Variants in USP19 observed in about 807,000 individuals in gnomAD.
USP19 encodes the protein ubiquitin carboxyl-terminal hydrolase 19.
USP19 carries 40 observed loss-of-function variants against 144.8 expected under a neutral mutation model. The observed-to-expected ratio is 0.28, with a 90% CI of 0.21 to 0.36. The LOEUF is 0.36. Among genes scored for constraint, USP19 ranks in the 10% least tolerant of loss-of-function variants. The pLI is 1.00. For synonymous variants in USP19, 701 were observed against 709.3 expected (o/e 0.99, Z 0.19); for missense variants, 1,518 against 1,822.5 (o/e 0.83, Z 3.04).
rs1054806975 is a variant in USP19 at position 49,112,991 on chromosome 3, G to A, written c.2506-362C>T. Among the ~76,000 whole-genome samples, 1 of 152,144 alleles carries A rather than the reference G, an allele frequency of 6.6e-6. No individual in the cohort carries two copies. The highest frequency in any genetic ancestry group is 1.5e-5 in the Non-Finnish European group (1 of 68,012). The stretch of plus-strand genomic sequence containing the variant: ...TCTTACCCCTAAGAAAACCAACACT[G>A]TCAGGCTAAAGGCTAGGAACCCCTG... On this transcript the variant is annotated intron_variant, in intron 17 of 26. Coordinates refer to ENST00000417901, the MANE Select transcript of USP19 (RefSeq NM_001199161.2). The surrounding 1 kb of genome is among the most constrained non-coding windows in gnomAD (Gnocchi z 4.9).
chr3:49,111,883 C>A lies in USP19; in HGVS notation c.2903+28G>T. ...CTAGCACCTCTGCCCCCACCTACAC[C>A]ACTCTAGTCCAACCACTGGGCACTT... On this transcript the variant is annotated intron_variant, in intron 20 of 26. Coordinates refer to ENST00000417901, the MANE Select transcript of USP19 (RefSeq NM_001199161.2). The surrounding 1 kb of genome is among the most constrained non-coding windows in gnomAD (Gnocchi z 5.9). 1 of 1,612,498 alleles carries A rather than the reference C, an allele frequency of 6.2e-7. No homozygotes were observed. Among genetic ancestry groups the A allele is most frequent in the African/African-American group, 1.3e-5 (1 of 75,032 alleles).
chr3:49,114,423 A>G lies in USP19; in HGVS notation c.2293-139T>C. 1.3e-6 allele frequency: 1 copy of G among 747,216 alleles called. No homozygotes were observed. Among genetic ancestry groups the G allele is most frequent in the South Asian group, 1.8e-5 (1 of 55,826 alleles). 46.3% of individuals were successfully genotyped at this position (747,216 alleles called of 1,614,324 possible). A position where few individuals can be genotyped will look rare whatever the true frequency, so the allele number is the denominator to read the frequency against. On this transcript the variant is annotated intron_variant, in intron 15 of 26. Transcript: ENST00000417901. This position sits in a 1 kb window ranked among gnomAD's most constrained non-coding sequence, Gnocchi z 4.5. ...CCAGCAAACTCTCAGGCTTCAGGAC[A>G]CTAGACAGGGCAGGAGGACCACCAG...
Position 49,111,901 on chromosome 3 carries a change from G to A in USP19, c.2903+10C>T. The stretch of plus-strand genomic sequence containing the variant: ...CCTACACCACTCTAGTCCAACCACT[G>A]GGCACTTACCGGGCATAGCCCTCTA... On this transcript the variant is annotated intron_variant, in intron 20 of 26. Transcript: ENST00000417901. The surrounding 1 kb of genome is among the most constrained non-coding windows in gnomAD (Gnocchi z 5.9). The A allele has an allele frequency of 1.2e-6, 2 of 1,613,808 alleles. No homozygotes were observed. Among genetic ancestry groups the A allele is most frequent in the Non-Finnish European group, 1.7e-6 (2 of 1,179,860 alleles).
Position 49,109,198 on chromosome 3 carries a change from G to C in USP19, c.4039-670C>G, listed in dbSNP as rs764835620. 45 of 1,459,580 alleles carry C rather than the reference G, an allele frequency of 3.1e-5. No individual in the cohort carries two copies. The highest frequency in any genetic ancestry group is 3.8e-5 in the Non-Finnish European group (42 of 1,104,946). The allele number at this position is 1,459,580 out of a possible 1,614,324, so 90.4% of individuals were successfully genotyped here. A position where few individuals can be genotyped will look rare whatever the true frequency, so the allele number is the denominator to read the frequency against. ...AAATCCGGGAAGCCTAGGGTATGTG[G>C]AAACGGCCATCAGCACCCCGGGGGT... On this transcript the variant is annotated intron_variant, in intron 26 of 26. Coordinates refer to ENST00000417901, the MANE Select transcript of USP19 (RefSeq NM_001199161.2).
rs772426503 is a variant in USP19 at position 49,119,137 on chromosome 3, G to A, written c.9C>T (p.Gly3=). The A allele has an allele frequency of 3.9e-5, 63 of 1,611,350 alleles. No homozygotes were observed. The highest frequency in any genetic ancestry group is 6.7e-5 in the Admixed American group (4 of 59,772). The change falls in exon 2 of 27, where the codon GGC becomes GGT. Residue 3 remains glycine (G), a synonymous_variant. Transcript: ENST00000417901. ...TCCTTGGGCCTGTGGCACTGGCCCC[G>A]CCAGACATCTTGAGCCGCTTGGTCG... MS[G]GASATGPRRG...
In USP19 at chr3:49,111,160, G is replaced by T. The variant is rs1452205791; in HGVS notation, c.3335C>A (p.Thr1112Asn). 1 of 1,613,894 alleles carries T rather than the reference G, an allele frequency of 6.2e-7. No individual in the cohort carries two copies. The highest frequency in any genetic ancestry group is 1.1e-5 in the South Asian group (1 of 91,080). ...ACAGTCGTCACCCAGCTCCAGTGGG[G>T]TGTCTCCTGGAGATTCGCAGGGAGA... ...REQRLEDKGDTPLELGDDCSL... is the reference protein window; with the variant it reads ...REQRLEDKGDNPLELGDDCSL... Residue 1112 changes from threonine (T) to asparagine (N), a missense_variant, in exon 23 of 27, where the codon ACC becomes AAC. Thr to Asn is a moderately conservative substitution (Grantham distance 65). Coordinates refer to ENST00000417901, the MANE Select transcript of USP19 (RefSeq NM_001199161.2). This position sits in a 1 kb window ranked among gnomAD's most constrained non-coding sequence, Gnocchi z 5.9.
chr3:49,114,704 A>C lies in USP19; in HGVS notation c.2292+59T>G. On this transcript the variant is annotated intron_variant, in intron 15 of 26. Coordinates refer to ENST00000417901, the MANE Select transcript of USP19 (RefSeq NM_001199161.2). This position sits in a 1 kb window ranked among gnomAD's most constrained non-coding sequence, Gnocchi z 4.5. Reference sequence around the variant, plus strand: ...TAAGATGCACATGCCTCTGAACCTAATGTGACCAGAATAGCTGAGCTGAAC... The same window carrying C: ...TAAGATGCACATGCCTCTGAACCTACTGTGACCAGAATAGCTGAGCTGAAC... 1 of 1,575,048 alleles carries C rather than the reference A, an allele frequency of 6.3e-7. No individual in the cohort carries two copies. The highest frequency in any genetic ancestry group is 8.7e-7 in the Non-Finnish European group (1 of 1,146,582).
Position 49,115,297 on chromosome 3 carries a change from A to G in USP19, c.1953T>C (p.Ile651=). The change falls in exon 13 of 27, where the codon ATT becomes ATC. Residue 651 remains isoleucine (I), a synonymous_variant. Coordinates refer to ENST00000417901, the MANE Select transcript of USP19 (RefSeq NM_001199161.2). The surrounding 1 kb of genome is among the most constrained non-coding windows in gnomAD (Gnocchi z 6.6). ...GCGCCCGAAGCAGCACGGCAAAGCC[A>G]ATGGCCAGACGCCCACCAGTCCCTA... ...NPLGTGGRLA[I]GFAVLLRALW... The G allele has an allele frequency of 2.5e-6, 4 of 1,614,182 alleles. No individual in the cohort carries two copies. Among genetic ancestry groups the G allele is most frequent in the Non-Finnish European group, 3.4e-6 (4 of 1,180,042 alleles).
At position 49,108,501 on chromosome 3, in the gene USP19, C is replaced by A. The variant is rs1441031183; in HGVS notation, c.4066G>T (p.Val1356Leu). The change falls in exon 27 of 27, where the codon GTG becomes TTG. Residue 1356 changes from valine to leucine, a missense_variant. By Grantham distance (32) the Val-to-Leu change is conservative. Coordinates refer to ENST00000417901, the MANE Select transcript of USP19 (RefSeq NM_001199161.2). This position sits in a 1 kb window ranked among gnomAD's most constrained non-coding sequence, Gnocchi z 4.8. ...QGLGPGQAPE[V>L]APTRTAPERF... Reference sequence around the variant, plus strand: ...TCAGGGGCTGTCCGCGTGGGGGCCACCTCGGGGGCCTGGCCAGGGCCTAGT... The same window carrying A: ...TCAGGGGCTGTCCGCGTGGGGGCCAACTCGGGGGCCTGGCCAGGGCCTAGT... The A allele has an allele frequency of 2.4e-6, 3 of 1,255,464 alleles. No individual in the cohort carries two copies. Among genetic ancestry groups the A allele is most frequent in the Non-Finnish European group, 3.1e-6 (3 of 974,062 alleles). 77.8% of individuals were successfully genotyped at this position (1,255,464 alleles called of 1,614,324 possible).
chr3:49,109,958 T>G, intron 26 of USP19: 2 of 433,912 alleles, frequency 4.6e-6, no homozygotes, highest in Non-Finnish European at 7.9e-6. Context: ...TAGGTGCCAA[T>G]GTGCTTGCCA....
In USP19 at chr3:49,116,737, G is replaced by A. The variant is rs1287354367; in HGVS notation, c.1116C>T (p.Thr372=). The A allele has an allele frequency of 6.2e-7, 1 of 1,610,070 alleles. No individual in the cohort carries two copies. Among genetic ancestry groups the A allele is most frequent in the Admixed American group, 1.7e-5 (1 of 59,844 alleles). Residue 372 remains threonine, a synonymous_variant, in exon 7 of 27, where the codon ACC becomes ACT. Coordinates refer to ENST00000417901, the MANE Select transcript of USP19 (RefSeq NM_001199161.2). This position sits in a 1 kb window ranked among gnomAD's most constrained non-coding sequence, Gnocchi z 5.0. ...EEMAVAADAA[T]LVDEPESMVN... is the part of the protein sequence containing the mutation. ...CACCCCCACCTTTACCATCCACCAAGGTTGCAGCATCTGCTGCCACTGCCA... is the reference window on the plus strand; with the variant it reads ...CACCCCCACCTTTACCATCCACCAAAGTTGCAGCATCTGCTGCCACTGCCA...
chr3:49,120,305 G>A (rs1054883311), intron 1 of USP19, among the ~76,000 whole-genome samples: 1 of 152,196 alleles, frequency 6.6e-6, no homozygotes, highest in Non-Finnish European at 1.5e-5. Context: ...ATGTGGTACT[G>A]GTGGGCTGGA....
Position 49,114,156 on chromosome 3 carries a change from T to C in USP19, c.2403+18A>G. ...ACGTTCTCTAGAACAGCCCAGAGGG[T>C]AGGGGCTTACTCCTCACCTTGATGG... On this transcript the variant is annotated intron_variant, in intron 16 of 26. Coordinates refer to ENST00000417901, the MANE Select transcript of USP19 (RefSeq NM_001199161.2). This position sits in a 1 kb window ranked among gnomAD's most constrained non-coding sequence, Gnocchi z 4.5. 6.2e-7 allele frequency: 1 copy of C among 1,613,916 alleles called. No individual in the cohort carries two copies. The highest frequency in any genetic ancestry group is 2.2e-5 in the East Asian group (1 of 44,874).
Position 49,115,160 on chromosome 3 carries a change from C to T in USP19, c.2023-43G>A, listed in dbSNP as rs1446472866. On this transcript the variant is annotated intron_variant, in intron 13 of 26. Coordinates refer to ENST00000417901, the MANE Select transcript of USP19 (RefSeq NM_001199161.2). This position sits in a 1 kb window ranked among gnomAD's most constrained non-coding sequence, Gnocchi z 6.6. Reference sequence around the variant, plus strand: ...GGTGTGAACATGAAGCCCTAGCACCCACTGCACACCCAGCTGGCTGGCCCT... The same window carrying T: ...GGTGTGAACATGAAGCCCTAGCACCTACTGCACACCCAGCTGGCTGGCCCT... 2 of 1,612,912 alleles carry T rather than the reference C, an allele frequency of 1.2e-6. No homozygotes were observed. Among genetic ancestry groups the T allele is most frequent in the East Asian group, 2.2e-5 (1 of 44,868 alleles).
In USP19 at chr3:49,117,240, C is replaced by T. The variant is rs1006285917; in HGVS notation, c.728G>A (p.Arg243Gln). The change falls in exon 6 of 27, where the codon CGG becomes CAG. Residue 243 changes from arginine (R) to glutamine (Q), a missense_variant. Arg to Gln is a conservative substitution (Grantham distance 43). Coordinates refer to ENST00000417901, the MANE Select transcript of USP19 (RefSeq NM_001199161.2). The surrounding 1 kb of genome is among the most constrained non-coding windows in gnomAD (Gnocchi z 4.4). ...ACGGCCCTGGGCCCGCTTCTGGTTC[C>T]GGGCCTCCTGCTTAGCCCGGTGGGG... ...PEPHRAKQEARNQKRAQGRGE... is the reference protein window; with the variant it reads ...PEPHRAKQEAQNQKRAQGRGE... 14 of 1,553,908 alleles carry T rather than the reference C, an allele frequency of 9.0e-6. 1 individual carries two copies. The highest frequency in any genetic ancestry group is 2.4e-5 in the East Asian group (1 of 41,110).
rs201739210 is a variant in USP19 at position 49,117,967 on chromosome 3, T to A, written c.278A>T (p.Gln93Leu). ...CTGACCCTCTTTGGTCTGCTCCTCT[T>A]GAGGAGTGGATGCTGACCCTGACGA... ...PSSSGSASTP[Q>L]EEQTKEGACE... Residue 93 changes from glutamine (Q) to leucine (L), a missense_variant, in exon 3 of 27, where the codon CAA (glutamine) becomes CTA (leucine). Gln to Leu is a moderately radical substitution (Grantham distance 113, BLOSUM62 -2). Around this residue, in one of 5 missense-constraint regions of USP19, gnomAD observed 707 missense variants for 728.9 expected, o/e 0.97. Coordinates refer to ENST00000417901, the MANE Select transcript of USP19 (RefSeq NM_001199161.2). The surrounding 1 kb of genome is among the most constrained non-coding windows in gnomAD (Gnocchi z 4.4). The A allele has an allele frequency of 1.1e-4, 185 of 1,612,336 alleles. 1 individual carries two copies. The East Asian group carries it at 2.7e-3, about 23-fold the overall frequency.
Position 49,112,091 on chromosome 3 carries a change from T to TC in USP19, c.2766-44dup, listed in dbSNP as rs1285580957. ...ACAAGGATAGGCCCTTAGCCCCATC[T>TC]CCTATGACTCCATACTGGGGGCTAG... is the stretch of plus-strand genomic sequence containing the variant. On this transcript the variant is annotated intron_variant, in intron 19 of 26. Transcript: ENST00000417901. This position sits in a 1 kb window ranked among gnomAD's most constrained non-coding sequence, Gnocchi z 4.9. The TC allele has an allele frequency of 6.2e-7, 1 of 1,604,352 alleles. No individual in the cohort carries two copies. The highest frequency in any genetic ancestry group is 1.3e-5 in the African/African-American group (1 of 74,768).
chr3:49,117,321 C>G lies in USP19; in HGVS notation c.647G>C (p.Arg216Pro). Residue 216 changes from arginine (R) to proline (P), a missense_variant, in exon 6 of 27, where the codon CGG becomes CCG. This residue lies in a region of USP19 where 707 missense variants were observed against 728.9 expected (regional missense o/e 0.97). Coordinates refer to ENST00000417901, the MANE Select transcript of USP19 (RefSeq NM_001199161.2). This position sits in a 1 kb window ranked among gnomAD's most constrained non-coding sequence, Gnocchi z 4.4. ...CAGTTCCTGCCCATTCTCCTGGCAC[C>G]GCAGCCCCGGCACCAGCTCCTGGGT... ...LGTQELVPGL[R>P]CQENGQELSP... 1 of 1,585,520 alleles carries G rather than the reference C, an allele frequency of 6.3e-7. No homozygotes were observed. Among genetic ancestry groups the G allele is most frequent in the African/African-American group, 1.3e-5 (1 of 74,094 alleles).
Position 49,111,952 on chromosome 3 carries a change from G to C in USP19, c.2862C>G (p.Leu954=). 1.2e-6 allele frequency: 2 copies of C among 1,614,104 alleles called. No homozygotes were observed. The highest frequency in any genetic ancestry group is 1.7e-6 in the Non-Finnish European group (2 of 1,180,042). Residue 954 remains leucine (L), a synonymous_variant, in exon 20 of 27, where the codon CTC becomes CTG. Transcript: ENST00000417901. The surrounding 1 kb of genome is among the most constrained non-coding windows in gnomAD (Gnocchi z 5.9). ...PFLVSVPASR[L]TYARLAQLLE... ...GCAACTGAGCGAGGCGGGCATAAGT[G>C]AGGCGTGAGGCAGGTACACTGACCA... is the stretch of plus-strand genomic sequence containing the variant.
Sources: gnomAD v4.1 joint callset for allele counts (sites outside exome capture counted in the v4.1 genomes callset) on GRCh38, gnomAD v4.1.1 for gene constraint, gnomAD v4.1.1 regional missense constraint, Gnocchi (gnomAD v3.1) non-coding constraint, MANE v1.5 for transcripts, NCBI Gene and HGNC (gene_info 2026-07-23, HGNC 2026-07-21) for gene names.